The following CDC73 variants were observed in gnomAD, a reference collection of about 807,000 sequenced individuals.
CDC73 encodes the protein cell division cycle 73.
CDC73 carries 21 observed loss-of-function variants against 83.7 expected under a neutral mutation model. The observed-to-expected ratio is 0.25, with a 90% CI of 0.18 to 0.36. The LOEUF (loss-of-function observed/expected upper bound fraction) is 0.36, where lower values mean the gene tolerates loss of function less well. Ranked by LOEUF, CDC73 falls within the 10% of genes least tolerant of loss-of-function variation. The pLI, the probability that CDC73 is intolerant of heterozygous loss-of-function variation, is 1.00. For synonymous variants in CDC73, 224 were observed against 212.9 expected (o/e 1.05, Z -0.45); for missense variants, 342 against 653.3 (o/e 0.52, Z 5.19).
intron 10 of CDC73, among the ~76,000 whole-genome samples, chr1:193,188,959 T>G (rs1029646253): frequency 5.9e-5 from 9 of 151,898 alleles, no homozygotes; most frequent in African/African-American, 2.2e-4. Context: ...CTGTCTGTTT[T>G]TTTTTTTTTT....
At position 193,254,499 on chromosome 1, in the gene CDC73, G is replaced by A. The variant is rs528519878; in HGVS notation, c.*3787G>A. 5.0e-4 allele frequency among the ~76,000 whole-genome samples: 76 copies of A among 152,156 alleles called. No individual in the cohort carries two copies. The highest frequency in any genetic ancestry group is 1.7e-3 in the African/African-American group (72 of 41,534). On this transcript the variant is annotated 3_prime_UTR_variant, in exon 17 of 17. Transcript: ENST00000367435. ...TGGAGTGGGAATTTTGAAATGCCATGTCCTATATATTCTGGCATATTTGTT... is the reference window on the plus strand; with the variant it reads ...TGGAGTGGGAATTTTGAAATGCCATATCCTATATATTCTGGCATATTTGTT...
chr1:193,136,461 T>C, intron 5 of CDC73: 1 of 273,548 alleles, frequency 3.7e-6, no homozygotes, highest in Non-Finnish European at 8.4e-6. Context: ...CTATGCTATG[T>C]GTTATTCTAA....
rs1048274796 is a variant in CDC73, at chr1:193,129,832, A to G, written c.238-342A>G. Reference sequence around the variant, plus strand: ...CCAGCCAAGAAAATTATTAAAAGTAACATGTTTAATACATTTTCAGGATTT... The same window carrying G: ...CCAGCCAAGAAAATTATTAAAAGTAGCATGTTTAATACATTTTCAGGATTT... On this transcript the variant is annotated intron_variant, in intron 2 of 16. Coordinates refer to ENST00000367435, the MANE Select transcript of CDC73 (RefSeq NM_024529.5). Among the ~76,000 whole-genome samples the G allele has an allele frequency of 3.9e-5, 6 of 152,168 alleles. 1 individual carries two copies. Among genetic ancestry groups the G allele is most frequent in the African/African-American group, 1.4e-4 (6 of 41,436 alleles).
intron 13 of CDC73, among the ~76,000 whole-genome samples, chr1:193,222,414 A>G (rs1296632513): frequency 3.9e-5 from 6 of 152,236 alleles, no homozygotes; most frequent in Admixed American, 3.3e-4. Flanking sequence ...GACTGAGAAT[A>G]GTACTTGTTC....
intron 13 of CDC73, among the ~76,000 whole-genome samples, chr1:193,225,214 C>G (rs1249990341): frequency 6.7e-6 from 1 of 149,676 alleles, no homozygotes; most frequent in African/African-American, 2.5e-5. Flanking sequence ...GGCATTAATG[C>G]CTTCCCTTTT....
Position 193,249,711 on chromosome 1 carries a change from C to A in CDC73, c.1418-19C>A, listed in dbSNP as rs371176564. 6.9e-6 allele frequency: 11 copies of A among 1,592,568 alleles called. No homozygotes were observed. Among genetic ancestry groups the A allele is most frequent in the Non-Finnish European group, 9.5e-6 (11 of 1,161,222 alleles). ...TTATTTTGAGTAAAAATGATAACTTCTCTCCACCCTCTCTATAGTTAAAGC... is the reference window on the plus strand; with the variant it reads ...TTATTTTGAGTAAAAATGATAACTTATCTCCACCCTCTCTATAGTTAAAGC... On this transcript the variant is annotated intron_variant, in intron 15 of 16. Coordinates refer to ENST00000367435, the MANE Select transcript of CDC73 (RefSeq NM_024529.5).
At chr1:193,158,741 T>G (rs946294788) in intron 10 of CDC73, among the ~76,000 whole-genome samples, 4 of 152,156 alleles carry the variant, frequency 2.6e-5, no homozygotes. Context: ...TGTGTCCGCC[T>G]AGCAGTATAA....
At chr1:193,186,941 G>A (rs1386611240) in intron 10 of CDC73, among the ~76,000 whole-genome samples, 2 of 152,014 alleles carry the variant, frequency 1.3e-5, no homozygotes, top group East Asian at 3.9e-4. Context: ...TAGGGTGTAA[G>A]CAGTATAAGC....
At position 193,176,461 on chromosome 1, in the gene CDC73, G is replaced by A. The variant is rs551169479; in HGVS notation, c.972+24017G>A. 3.3e-5 allele frequency among the ~76,000 whole-genome samples: 5 copies of A among 152,306 alleles called. No homozygotes were observed. The South Asian group carries it at 1.0e-3, about 32-fold the overall frequency. Reference sequence around the variant, plus strand: ...GCCAAGGATTTGTTTAGGTGGCATAGCAGACAGAGGACATTGTCTTACAGA... The same window carrying A: ...GCCAAGGATTTGTTTAGGTGGCATAACAGACAGAGGACATTGTCTTACAGA... On this transcript the variant is annotated intron_variant, in intron 10 of 16. Coordinates refer to ENST00000367435, the MANE Select transcript of CDC73 (RefSeq NM_024529.5).
In CDC73 at chr1:193,251,868, A is replaced by G. The variant is rs990775430; in HGVS notation, c.*1156A>G. Reference sequence around the variant, plus strand: ...TGTTTTTTTTTTTTCCTTAAAGGCAACTAGGAAGCTTTACTTTCCTAAAGT... The same window carrying G: ...TGTTTTTTTTTTTTCCTTAAAGGCAGCTAGGAAGCTTTACTTTCCTAAAGT... On this transcript the variant is annotated 3_prime_UTR_variant, in exon 17 of 17. Transcript: ENST00000367435. The G allele has an allele frequency of 4.3e-6, 1 of 231,536 alleles. No homozygotes were observed. The highest frequency in any genetic ancestry group is 8.5e-6 in the Non-Finnish European group (1 of 117,012). The allele number at this position is 231,536 out of a possible 1,614,324, so 14.3% of individuals were successfully genotyped here. A position where few individuals can be genotyped will look rare whatever the true frequency, so the allele number is the denominator to read the frequency against.
intron 10 of CDC73, among the ~76,000 whole-genome samples, chr1:193,172,317 TA>T: frequency 6.6e-6 from 1 of 150,924 alleles, no homozygotes; most frequent in East Asian, 2.0e-4. Context: ...TATAACAGCA[TA>T]TGATAAAGTT....
intron 15 of CDC73, among the ~76,000 whole-genome samples, chr1:193,243,922 T>C (rs1417689833): frequency 2.0e-5 from 3 of 152,190 alleles, no homozygotes; most frequent in Non-Finnish European, 2.9e-5. Flanking sequence ...CAAAAGCCAA[T>C]ATGCTAGCAA....
At chr1:193,221,630 T>C (rs1368431334) in intron 13 of CDC73, among the ~76,000 whole-genome samples, 2 of 152,246 alleles carry the variant, frequency 1.3e-5, no homozygotes, top group Non-Finnish European at 2.9e-5. Flanking sequence ...ACAAATCTAA[T>C]ACTTAAACAC....
intron 10 of CDC73, among the ~76,000 whole-genome samples, chr1:193,199,266 A>G (rs988844448): frequency 3.3e-5 from 5 of 152,068 alleles, no homozygotes; most frequent in Non-Finnish European, 7.4e-5. Flanking sequence ...GTTTCTCAAA[A>G]CACTCTTTTA....
In CDC73 at chr1:193,238,848, C is replaced by T. The variant is rs556026620; in HGVS notation, c.1417+2492C>T. 9.2e-5 allele frequency among the ~76,000 whole-genome samples: 14 copies of T among 152,272 alleles called. No homozygotes were observed. In the South Asian group the frequency reaches 2.7e-3, roughly 29 times the overall value. ...TCATAAAGGTCTTCATCTTCATTGT[C>T]TTCACATTGAGTAGGTTGAGGAGGA... On this transcript the variant is annotated intron_variant, in intron 15 of 16. Coordinates refer to ENST00000367435, the MANE Select transcript of CDC73 (RefSeq NM_024529.5).
At position 193,252,499 on chromosome 1, in the gene CDC73, A is replaced by G. The variant is rs747621423; in HGVS notation, c.*1787A>G. On this transcript the variant is annotated 3_prime_UTR_variant, in exon 17 of 17. Coordinates refer to ENST00000367435, the MANE Select transcript of CDC73 (RefSeq NM_024529.5). ...TTATGAACTTTACTTGAGACAGAAT[A>G]TGGTTAAAATTAGGAACATCTACTT... 49 of 229,760 alleles carry G rather than the reference A, an allele frequency of 2.1e-4. No homozygotes were observed. The highest frequency in any genetic ancestry group is 3.3e-4 in the Non-Finnish European group (38 of 115,984). 14.2% of individuals were successfully genotyped at this position (229,760 alleles called of 1,614,324 possible).
In CDC73 at chr1:193,123,351, C is replaced by A. The variant is rs1384647004; in HGVS notation, c.131+1020C>A. ...CAAGTGATTCTCTTGCCTCAGCCTC[C>A]TGAGTAGCTGAGGTTGCAGGCCCCC... On this transcript the variant is annotated intron_variant, in intron 1 of 16. Coordinates refer to ENST00000367435, the MANE Select transcript of CDC73 (RefSeq NM_024529.5). Among the ~76,000 whole-genome samples the A allele has an allele frequency of 4.6e-5, 7 of 152,160 alleles. No individual in the cohort carries two copies. The East Asian group carries it at 1.3e-3, about 29-fold the overall frequency.
intron 5 of CDC73, among the ~76,000 whole-genome samples, chr1:193,136,846 G>A (rs181897984): frequency 1.9e-3 from 292 of 152,244 alleles, no homozygotes; most frequent in African/African-American, 6.6e-3. Flanking sequence ...GAGCCACTGC[G>A]CCCAGCTCAA....
chr1:193,122,534 T>A (rs1003612001), intron 1 of CDC73: 8 of 589,610 alleles, frequency 1.4e-5, no homozygotes, highest in Non-Finnish European at 2.4e-5. Context: ...GTTCATCACT[T>A]AAAATTTTTG....
Sources: allele counts gnomAD v4.1 joint callset (sites outside exome capture counted in the v4.1 genomes callset), GRCh38; gene constraint gnomAD v4.1.1; transcripts MANE v1.5; gene names NCBI Gene and HGNC (gene_info 2026-07-23, HGNC 2026-07-21).